CDH3: variants seen among roughly 807,000 people sequenced by gnomAD.
CDH3 encodes the protein cadherin 3, also known as cadherin-3.
A neutral mutation model predicts 82.0 loss-of-function variants in CDH3; 54 were observed. The ratio of observed to expected loss-of-function variants is 0.66; its 90% CI spans 0.53 to 0.83. The LOEUF is 0.83. CDH3 is among the 40% of genes least tolerant of loss of function. The pLI, the probability that CDH3 is intolerant of heterozygous loss-of-function variation, is 0.00. For missense variants in CDH3, 1,054 were observed against 1,084.6 expected (o/e 0.97, Z 0.40); for synonymous variants, 446 against 437.9 (o/e 1.02, Z -0.23).
intron 7 of CDH3, among the ~76,000 whole-genome samples, chr16:68,680,387 CTT>C (rs1188296315): frequency 6.6e-6 from 1 of 152,164 alleles, no homozygotes; most frequent in Admixed American, 6.5e-5. Context: ...ACTCAAAACT[CTT>C]TTTCTGAGGC....
chr16:68,651,420 G>A (rs747050796), intron 2 of CDH3: 4 of 546,636 alleles, frequency 7.3e-6, no homozygotes, highest in African/African-American at 5.7e-5. Flanking sequence ...GGTCATACCC[G>A]ACTGGCTTGC....
intron 1 of CDH3, among the ~76,000 whole-genome samples, chr16:68,709,980 G>A (rs1261169079): frequency 6.6e-6 from 1 of 152,224 alleles, no homozygotes; most frequent in Non-Finnish European, 1.5e-5. Flanking sequence ...CTCTGCGCTG[G>A]TTAATTCCCC....
chr16:68,718,249 C>A (rs1459183598), intron 1 of CDH3, among the ~76,000 whole-genome samples: 1 of 152,152 alleles, frequency 6.6e-6, no homozygotes, highest in African/African-American at 2.4e-5. Context: ...AGTGATCCTC[C>A]CACCTCAGCC....
At chr16:68,668,915 A>G (rs1960813266) in intron 2 of CDH3, among the ~76,000 whole-genome samples, 1 of 152,202 alleles carries the variant, frequency 6.6e-6, no homozygotes, top group Non-Finnish European at 1.5e-5. Flanking sequence ...TGCTGTTTGA[A>G]CACTATCCCA....
At chr16:68,715,619 A>G (rs1452944768) in intron 1 of CDH3, among the ~76,000 whole-genome samples, 2 of 152,168 alleles carry the variant, frequency 1.3e-5, no homozygotes, top group Non-Finnish European at 2.9e-5. Flanking sequence ...GTCTGTACTC[A>G]TAAAGCGTTC....
chr16:68,698,146 A>T, intron 15 of CDH3, 45 bp from the exon 16 acceptor site: 3 of 1,578,478 alleles, frequency 1.9e-6, no homozygotes, highest in Non-Finnish European at 2.6e-6. Flanking sequence ...AGCTGGCAAG[A>T]GGCAGGACCC....
intron 2 of CDH3, among the ~76,000 whole-genome samples, chr16:68,724,685 C>A (rs992402440): frequency 8.6e-5 from 13 of 151,890 alleles, no homozygotes; most frequent in African/African-American, 3.1e-4. Context: ...CGTTGTCTGG[C>A]CACCTCCTGG....
chr16:68,683,140 T>G (rs1325316692), intron 9 of CDH3, among the ~76,000 whole-genome samples: 1 of 152,142 alleles, frequency 6.6e-6, no homozygotes, highest in Non-Finnish European at 1.5e-5. Flanking sequence ...TTTTACTTCC[T>G]GGTTTACTAT....
intron 2 of CDH3, among the ~76,000 whole-genome samples, chr16:68,660,980 A>AG (rs1960559113): frequency 6.6e-6 from 1 of 150,484 alleles, no homozygotes; most frequent in Non-Finnish European, 1.5e-5. Flanking sequence ...AAAAAAAAAA[A>AG]AAGAAGAAAA....
In CDH3 at chr16:68,687,540, C is replaced by A; in HGVS notation, c.1599C>A (p.Thr533=). The A allele has an allele frequency of 6.2e-7, 1 of 1,614,114 alleles. No individual in the cohort carries two copies. The highest frequency in any genetic ancestry group is 1.1e-5 in the South Asian group (1 of 91,082). ...NGSPPTTGTG[T]LLLTLIDVND... is the part of the protein sequence containing the mutation. Reference sequence around the variant, plus strand: ...GCCCTCCCACCACTGGCACGGGAACCCTTCTGCTAACACTGATTGATGTCA... The same window carrying A: ...GCCCTCCCACCACTGGCACGGGAACACTTCTGCTAACACTGATTGATGTCA... Residue 533 remains threonine, a synonymous_variant, in exon 12 of 16, where the codon ACC becomes ACA. Coordinates refer to ENST00000264012, the MANE Select transcript of CDH3 (RefSeq NM_001793.6).
At chr16:68,645,857 T>G in intron 2 of CDH3, 107 bp downstream of exon 2, 1 of 843,780 alleles carries the variant, frequency 1.2e-6, no homozygotes, top group Non-Finnish European at 1.8e-6. Context: ...TGGCGCCACC[T>G]CAGTTCCCGG....
At chr16:68,661,466 C>T (rs1960577202) in intron 2 of CDH3, among the ~76,000 whole-genome samples, 1 of 152,082 alleles carries the variant, frequency 6.6e-6, no homozygotes, top group Non-Finnish European at 1.5e-5. Context: ...ATGTTAAGTG[C>T]CAGTGGCAGG....
At chr16:68,733,398 CGATTACAGTTGT>C in the CDH3 span, among the ~76,000 whole-genome samples, 1 of 152,078 alleles carries the variant, frequency 6.6e-6, no homozygotes, top group Non-Finnish European at 1.5e-5. Context: ...CAAAGTGCTG[CGATTACAGTTGT>C]GAGCCACCAG....
At chr16:68,728,229 G>A (rs924665281), downstream of CDH3, among the ~76,000 whole-genome samples, 1 of 151,956 alleles carries the variant, frequency 6.6e-6, no homozygotes, top group Non-Finnish European at 1.5e-5. Flanking sequence ...GCAGTGGCAC[G>A]ATCTCGGCTC....
chr16:68,659,534 G>A (rs1182165506), intron 2 of CDH3, among the ~76,000 whole-genome samples: 1 of 150,060 alleles, frequency 6.7e-6, no homozygotes, highest in Admixed American at 6.7e-5. Flanking sequence ...AAGATCATAC[G>A]ACTGCACTGC....
intron 7 of CDH3, among the ~76,000 whole-genome samples, 194 bp from the exon 8 acceptor site, chr16:68,680,774 T>C (rs965571226): frequency 1.3e-5 from 2 of 152,162 alleles, no homozygotes; most frequent in South Asian, 4.1e-4. Context: ...TTTGGATCAC[T>C]CGTTCCCTCT....
chr16:68,712,284 A>T (rs1368416394), intron 1 of CDH3, among the ~76,000 whole-genome samples: 5 of 141,670 alleles, frequency 3.5e-5, no homozygotes, highest in Admixed American at 2.9e-4. Flanking sequence ...CAATCCTCCC[A>T]CCTTGACCTC....
intron 9 of CDH3, 115 bp downstream of exon 9, chr16:68,682,602 T>G (rs576347839): frequency 6.3e-6 from 6 of 959,934 alleles, no homozygotes; most frequent in Non-Finnish European, 1.0e-5. Flanking sequence ...ACCAGCCCAG[T>G]GGCTCCCAAC....
intron 2 of CDH3, among the ~76,000 whole-genome samples, chr16:68,646,377 G>C (rs12447310): frequency 0.75 from 114,049 of 152,094 alleles, 42,891 homozygotes; most frequent in South Asian, 0.77. Context: ...CCCAGCGTCT[G>C]GGGCCTGGGA....
Sources: allele counts gnomAD v4.1 joint callset (sites outside exome capture counted in the v4.1 genomes callset), GRCh38; gene constraint gnomAD v4.1.1; transcripts MANE v1.5; gene names NCBI Gene and HGNC (gene_info 2026-07-23, HGNC 2026-07-21).